Variants in ZNF610 observed in about 807,000 individuals in gnomAD.
ZNF610 encodes zinc finger protein 610.
A neutral mutation model predicts 14.1 loss-of-function variants in ZNF610; 14 were observed. The ratio of observed to expected loss-of-function variants is 0.99; its 90% CI spans 0.65 to 1.55. ZNF610 has a LOEUF of 1.55. Among genes scored for constraint, ZNF610 ranks in the 40% most tolerant of loss-of-function variants. The probability of loss-of-function intolerance (pLI) is 0.00; values close to 1 mark genes in which losing one functional copy is unlikely to be tolerated. For missense variants in ZNF610, 530 were observed against 558.0 expected (o/e 0.95, Z 0.51); for synonymous variants, 185 against 187.6 (o/e 0.99, Z 0.11).
At chr19:52,363,966 T>A (rs986048833) in intron 5 of ZNF610, among the ~76,000 whole-genome samples, 13 of 152,368 alleles carry the variant, frequency 8.5e-5, no homozygotes, top group Admixed American at 5.2e-4. Context: ...GTTGGTTTTT[T>A]AATTGTGACA....
In ZNF610 at chr19:52,365,948, A is replaced by G; in HGVS notation, c.570A>G (p.Pro190=). The G allele has an allele frequency of 6.2e-7, 1 of 1,613,820 alleles. No individual in the cohort carries two copies. Among genetic ancestry groups the G allele is most frequent in the African/African-American group, 1.3e-5 (1 of 75,034 alleles). ...ATCTTATTGATTTCCCATTACTCCC[A>G]CAAGAAGAGAAAGCATACATTAGAG... ...RNDLIDFPLL[P]QEEKAYIRGK... The change falls in exon 6 of 6, where the codon CCA becomes CCG. Residue 190 remains proline, a synonymous_variant. Coordinates refer to ENST00000403906, the MANE Select transcript of ZNF610 (RefSeq NM_001161425.2).
At chr19:52,342,966 A>G (rs1465243705) in intron 1 of ZNF610, among the ~76,000 whole-genome samples, 1 of 151,844 alleles carries the variant, frequency 6.6e-6, no homozygotes, top group Non-Finnish European at 1.5e-5. Flanking sequence ...TACAGCTTCA[A>G]ACACCACCTG....
At chr19:52,361,438 A>G (rs1248838785) in intron 5 of ZNF610, among the ~76,000 whole-genome samples, 2 of 152,050 alleles carry the variant, frequency 1.3e-5, no homozygotes, top group African/African-American at 2.4e-5. Flanking sequence ...CGGCCTCCCA[A>G]ATTGCTGGGA....
At position 52,359,695 on chromosome 19, in the gene ZNF610, A is replaced by G. The variant is rs58120941; in HGVS notation, c.319+5316A>G. Among the ~76,000 whole-genome samples, 307 of 152,252 alleles carry G rather than the reference A, an allele frequency of 2.0e-3. 1 individual carries two copies. The highest frequency in any genetic ancestry group is 6.8e-3 in the African/African-American group (282 of 41,566). On this transcript the variant is annotated intron_variant, in intron 5 of 5. Transcript: ENST00000403906. ...ACGGTATAGGAGTTTTTTCCCACAC[A>G]TCAAGCAACGGACAAGAGCTGGGTT...
intron 5 of ZNF610, among the ~76,000 whole-genome samples, chr19:52,361,834 CTTAATT>C (rs1368880551): frequency 6.6e-6 from 1 of 152,042 alleles, no homozygotes; most frequent in Non-Finnish European, 1.5e-5. Flanking sequence ...GTTTTCTAAT[CTTAATT>C]TTTTCTTTCT....
intron 5 of ZNF610, among the ~76,000 whole-genome samples, chr19:52,357,372 G>A (rs1436033332): frequency 1.3e-5 from 2 of 152,076 alleles, no homozygotes; most frequent in East Asian, 1.9e-4. Context: ...TTGGCCGGGC[G>A]CAGTGGCTCA....
intron 5 of ZNF610, among the ~76,000 whole-genome samples, chr19:52,365,001 T>G (rs1422907880): frequency 6.6e-6 from 1 of 152,278 alleles, no homozygotes; most frequent in East Asian, 1.9e-4. Context: ...ATCTCAACAC[T>G]TTGGGAGACC....
intron 5 of ZNF610, among the ~76,000 whole-genome samples, chr19:52,365,350 TA>T (rs1419183245): frequency 1.3e-5 from 2 of 152,204 alleles, no homozygotes; most frequent in Non-Finnish European, 2.9e-5. Context: ...CTCCTAGCTT[TA>T]TGCGTATATT....
intron 1 of ZNF610, among the ~76,000 whole-genome samples, chr19:52,346,267 C>T (rs904768027): frequency 2.0e-5 from 3 of 151,204 alleles, no homozygotes; most frequent in Non-Finnish European, 2.9e-5. Context: ...CGGGTTCCAG[C>T]GATTCTCCTG....
At chr19:52,334,596 G>A (rs1012262251), upstream of ZNF610, among the ~76,000 whole-genome samples, 1 of 152,080 alleles carries the variant, frequency 6.6e-6, no homozygotes, top group South Asian at 2.1e-4. Context: ...CTAGGAAAAT[G>A]TACTCTACCA....
intron 1 of ZNF610, chr19:52,344,221 T>C (rs8101231): frequency 0.61 from 92,937 of 152,220 alleles, 29,018 homozygotes; most frequent in African/African-American, 0.74. Flanking sequence ...ATCTGGGCTG[T>C]TCCTCTGCCT....
chr19:52,347,017 T>C (rs1422553510), intron 1 of ZNF610: 1 of 152,252 alleles, frequency 6.6e-6, no homozygotes, highest in African/African-American at 2.4e-5. Context: ...TGTGAGCTAC[T>C]GCACCAGGCC....
intron 1 of ZNF610, among the ~76,000 whole-genome samples, chr19:52,343,755 C>T (rs752140855): frequency 7.9e-5 from 12 of 152,024 alleles, no homozygotes; most frequent in Non-Finnish European, 1.6e-4. Flanking sequence ...GTCGAGGCTT[C>T]GGAGGTCACC....
chr19:52,332,381 C>T (rs1187971210), upstream of ZNF610, among the ~76,000 whole-genome samples: 1 of 152,144 alleles, frequency 6.6e-6, no homozygotes. The surrounding 1 kb of genome is among the most constrained non-coding windows in gnomAD (Gnocchi z 4.1). Flanking sequence ...TTGAAACAGG[C>T]TCATCAAAAA....
rs1986171625 is a variant in ZNF610, at chr19:52,367,584, T to G, written c.*817T>G. On this transcript the variant is annotated 3_prime_UTR_variant, in exon 6 of 6. Coordinates refer to ENST00000403906, the MANE Select transcript of ZNF610 (RefSeq NM_001161425.2). ...TGTGTGTGTGTATGTGTGTGAGACA[T>G]AAAACAACATACGCTTCTGGGTGCA... is the stretch of plus-strand genomic sequence containing the variant. The G allele has an allele frequency of 8.1e-6, 1 of 123,568 alleles. No homozygotes were observed. The highest frequency in any genetic ancestry group is 8.5e-5 in the Admixed American group (1 of 11,746). 7.7% of individuals were successfully genotyped at this position (123,568 alleles called of 1,614,324 possible).
chr19:52,341,074 A>G (rs369996972), intron 1 of ZNF610, among the ~76,000 whole-genome samples: 5 of 152,136 alleles, frequency 3.3e-5, no homozygotes, highest in East Asian at 3.9e-4. Context: ...TTTTCGTTCC[A>G]TTTTTCAATC....
In ZNF610 at chr19:52,365,763, C is replaced by G. The variant is rs138159430; in HGVS notation, c.385C>G (p.Leu129Val). 5 of 1,613,764 alleles carry G rather than the reference C, an allele frequency of 3.1e-6. No homozygotes were observed. Among genetic ancestry groups the G allele is most frequent in the African/African-American group, 2.7e-5 (2 of 74,890 alleles). The change falls in exon 6 of 6, where the codon CTT becomes GTT. Residue 129 changes from leucine (L) to valine (V), a missense_variant. Coordinates refer to ENST00000403906, the MANE Select transcript of ZNF610 (RefSeq NM_001161425.2). ...KPIKNQLGLT[L>V]EAHLSELQLF... ...TATTAAAAATCAACTTGGATTAACC[C>G]TTGAGGCACATCTGTCTGAATTGCA...
chr19:52,333,319 G>A (rs564218213), upstream of ZNF610, among the ~76,000 whole-genome samples: 4 of 152,302 alleles, frequency 2.6e-5, no homozygotes, highest in South Asian at 2.1e-4. Flanking sequence ...AAAAGCTCCC[G>A]GTAACCAAGC....
chr19:52,351,333 G>A (rs537157497), intron 3 of ZNF610, among the ~76,000 whole-genome samples: 21 of 152,104 alleles, frequency 1.4e-4, no homozygotes, highest in African/African-American at 4.8e-4. Context: ...GTGCACACCT[G>A]TAATCCCAGC....
Sources: gnomAD v4.1 joint callset for allele counts (sites outside exome capture counted in the v4.1 genomes callset) on GRCh38, gnomAD v4.1.1 for gene constraint, Gnocchi (gnomAD v3.1) non-coding constraint, MANE v1.5 for transcripts, NCBI Gene and HGNC (gene_info 2026-07-23, HGNC 2026-07-21) for gene names.